Variants in KIF5C observed in about 807,000 individuals in gnomAD.
KIF5C encodes kinesin family member 5C.
In KIF5C, 18 loss-of-function variants were observed where a neutral mutation model predicts 125.2. The observed-to-expected ratio is 0.14, with a 90% CI of 0.10 to 0.21. The LOEUF (loss-of-function observed/expected upper bound fraction) is 0.21, where lower values mean the gene tolerates loss of function less well. Ranked by LOEUF, KIF5C falls within the 10% of genes least tolerant of loss-of-function variation. The pLI, the probability that KIF5C is intolerant of heterozygous loss-of-function variation, is 1.00. For synonymous variants in KIF5C, 405 were observed against 434.0 expected, an observed-to-expected ratio of 0.93 and a Z score of 0.83; for missense variants, 780 against 1,183.8, an observed-to-expected ratio of 0.66 and a Z score of 5.01.
rs755385452 is a variant in KIF5C at position 148,997,315 on chromosome 2, G to A, written c.2075G>A (p.Arg692Gln). 31 of 1,613,592 alleles carry A rather than the reference G, an allele frequency of 1.9e-5. No individual in the cohort carries two copies. The highest frequency in any genetic ancestry group is 1.1e-4 in the East Asian group (5 of 44,886). The change falls in exon 18 of 26, where the codon CGG (arginine) becomes CAG (glutamine). Residue 692 changes from arginine to glutamine, a missense_variant. Transcript: ENST00000435030. ...FQDKEKEHLT[R>Q]LQDAEEMKKA... The stretch of plus-strand genomic sequence containing the variant: ...GATAAGGAGAAGGAACATCTGACGC[G>A]GTTGCAGGATGCTGAAGAAATGAAG...
intron 3 of KIF5C, among the ~76,000 whole-genome samples, chr2:148,930,900 C>T (rs932689469): frequency 2.6e-5 from 4 of 152,188 alleles, no homozygotes; most frequent in African/African-American, 9.7e-5. Context: ...CTGCTATCCT[C>T]ACGCTCCTGT....
intron 10 of KIF5C, among the ~76,000 whole-genome samples, chr2:148,954,922 G>C (rs1277748612): frequency 6.6e-6 from 1 of 152,114 alleles, no homozygotes; most frequent in Admixed American, 6.5e-5. Context: ...CATTCCTGTT[G>C]GGGGGCCTGT....
At chr2:148,911,476 T>C (rs1681335358) in intron 1 of KIF5C, among the ~76,000 whole-genome samples, 1 of 152,058 alleles carries the variant, frequency 6.6e-6, no homozygotes, top group Non-Finnish European at 1.5e-5. Flanking sequence ...TAAGAGGCCA[T>C]GAAGCCCTTT....
chr2:149,020,727 AGAAATGAACCTGTGAGAAAGT>A (rs1309464780), intron 25 of KIF5C, among the ~76,000 whole-genome samples: 1 of 152,202 alleles, frequency 6.6e-6, no homozygotes, highest in Admixed American at 6.5e-5. Flanking sequence ...GCGTGCGTGG[AGAAATGAACCTGTGAGAAAGT>A]GAAATGGCAG....
At chr2:148,973,923 G>A (rs1241000484) in intron 12 of KIF5C, among the ~76,000 whole-genome samples, 1 of 152,188 alleles carries the variant, frequency 6.6e-6, no homozygotes, top group Non-Finnish European at 1.5e-5. Flanking sequence ...CAGAATTCAA[G>A]CATGTACTTT....
At chr2:148,935,644 T>A (rs1682276126) in intron 3 of KIF5C, among the ~76,000 whole-genome samples, 1 of 152,230 alleles carries the variant, frequency 6.6e-6, no homozygotes, top group Non-Finnish European at 1.5e-5. Context: ...ATATATTAAT[T>A]GTCAGGGATA....
intron 12 of KIF5C, among the ~76,000 whole-genome samples, chr2:148,977,085 T>C (rs1383468071): frequency 6.6e-6 from 1 of 152,196 alleles, no homozygotes; most frequent in Non-Finnish European, 1.5e-5. Flanking sequence ...AAAATCACAG[T>C]AGAGCTCATT....
intron 18 of KIF5C, chr2:148,998,192 C>T (rs1431315690): frequency 2.6e-6 from 2 of 773,550 alleles, no homozygotes; most frequent in Non-Finnish European, 4.0e-6. Context: ...CTTCTAGGGC[C>T]AACTTGGTTT....
chr2:148,919,873 T>C (rs1558893671), intron 1 of KIF5C, among the ~76,000 whole-genome samples: 1 of 152,188 alleles, frequency 6.6e-6, no homozygotes, highest in Non-Finnish European at 1.5e-5. Context: ...ACAAATCACT[T>C]TCTAAATTTT....
intron 9 of KIF5C, 118 bp from the exon 10 acceptor site, chr2:148,950,196 C>T: frequency 1.4e-6 from 2 of 1,471,646 alleles, no homozygotes; most frequent in Non-Finnish European, 9.0e-7. Flanking sequence ...AAAGACCCAG[C>T]CACAAATTCT....
intron 1 of KIF5C, among the ~76,000 whole-genome samples, chr2:148,914,601 G>T (rs954191226): frequency 6.6e-6 from 1 of 152,246 alleles, no homozygotes; most frequent in African/African-American, 2.4e-5. Context: ...TTCTCAATAC[G>T]TGAAGTGGTT....
At chr2:148,913,329 C>G (rs1681416987) in intron 1 of KIF5C, among the ~76,000 whole-genome samples, 2 of 152,286 alleles carry the variant, frequency 1.3e-5, no homozygotes, top group South Asian at 4.1e-4. Flanking sequence ...GGAAGTTATT[C>G]TCCATTCCCA....
In KIF5C at chr2:148,981,481, A is replaced by T; in HGVS notation, c.1489A>T (p.Asn497Tyr). ...VLQALEELAV[N>Y]YDQKSQEVED... ...CCAGGCCCTGGAGGAGCTGGCTGTCAATTATGACCAGAAATCACAGGAAGT... is the reference window on the plus strand; with the variant it reads ...CCAGGCCCTGGAGGAGCTGGCTGTCTATTATGACCAGAAATCACAGGAAGT... Residue 497 changes from asparagine to tyrosine, a missense_variant, in exon 14 of 26, where the codon AAT (asparagine) becomes TAT (tyrosine). Physicochemically the swap from Asn to Tyr is moderately radical, Grantham distance 143 (BLOSUM62 -2). This residue lies in a region of KIF5C where 573 missense variants were observed against 742.6 expected (regional missense o/e 0.77). Transcript: ENST00000435030. The T allele has an allele frequency of 6.2e-7, 1 of 1,608,030 alleles. No homozygotes were observed. The highest frequency in any genetic ancestry group is 8.5e-7 in the Non-Finnish European group (1 of 1,177,218).
chr2:148,916,571 C>T (rs146613472), intron 1 of KIF5C, among the ~76,000 whole-genome samples: 1 of 151,932 alleles, frequency 6.6e-6, no homozygotes, highest in African/African-American at 2.4e-5. Context: ...CATTTCACTT[C>T]ATTTAGGGGA....
Position 149,023,415 on chromosome 2 carries a change from A to G in KIF5C, c.*345A>G, listed in dbSNP as rs770955516. Reference sequence around the variant, plus strand: ...TCCCATCTGTACGCCCTAATGTGCCATTCCCTAGAGGGGAACAACCAAGTG... The same window carrying G: ...TCCCATCTGTACGCCCTAATGTGCCGTTCCCTAGAGGGGAACAACCAAGTG... On this transcript the variant is annotated 3_prime_UTR_variant, in exon 26 of 26. Coordinates refer to ENST00000435030, the MANE Select transcript of KIF5C (RefSeq NM_004522.3). The G allele has an allele frequency of 6.6e-6, 1 of 152,634 alleles. No homozygotes were observed. The highest frequency in any genetic ancestry group is 1.5e-5 in the Non-Finnish European group (1 of 68,044). The allele number at this position is 152,634 out of a possible 1,614,324, so 9.5% of individuals were successfully genotyped here.
At chr2:148,906,144 A>G (rs1681097671) in intron 1 of KIF5C, among the ~76,000 whole-genome samples, 1 of 152,098 alleles carries the variant, frequency 6.6e-6, no homozygotes, top group Non-Finnish European at 1.5e-5. Context: ...CAGAGGGAAA[A>G]AGGGGAGGCA....
intron 25 of KIF5C, among the ~76,000 whole-genome samples, chr2:149,014,060 T>G (rs890085312): frequency 1.3e-5 from 2 of 152,232 alleles, no homozygotes; most frequent in Non-Finnish European, 2.9e-5. Context: ...GTTTCACTCT[T>G]GTTGCCCAGG....
rs1457782157 is a variant in KIF5C, at chr2:148,973,445, C to A, written c.1227C>A (p.Ile409=). 2 of 1,613,562 alleles carry A rather than the reference C, an allele frequency of 1.2e-6. No individual in the cohort carries two copies. The highest frequency in any genetic ancestry group is 2.7e-5 in the African/African-American group (2 of 74,912). ...IDNIAPVVAG[I]STEEKEKYDE... ...ATATTGCTCCTGTTGTTGCTGGCAT[C>A]TCTACAGAGGAGAAAGAGAAGTACG... The change falls in exon 12 of 26, where the codon ATC becomes ATA. Residue 409 remains isoleucine, a synonymous_variant. Transcript: ENST00000435030.
Position 148,992,623 on chromosome 2 carries a change from G to A in KIF5C, c.1905+1425G>A, listed in dbSNP as rs530387214. Among the ~76,000 whole-genome samples, 6 of 152,242 alleles carry A rather than the reference G, an allele frequency of 3.9e-5. No individual in the cohort carries two copies. The South Asian group carries it at 6.2e-4, about 16-fold the overall frequency. Reference sequence around the variant, plus strand: ...AACCTAGCCATTGGGAAAGTCTAATGGTATAAAGTTAAGTGAAAATGAAAA... The same window carrying A: ...AACCTAGCCATTGGGAAAGTCTAATAGTATAAAGTTAAGTGAAAATGAAAA... On this transcript the variant is annotated intron_variant, in intron 16 of 25. Transcript: ENST00000435030.
Sources: allele counts gnomAD v4.1 joint callset (sites outside exome capture counted in the v4.1 genomes callset), GRCh38; gene constraint gnomAD v4.1.1; regional missense constraint gnomAD v4.1.1; transcripts MANE v1.5; gene names NCBI Gene and HGNC (gene_info 2026-07-23, HGNC 2026-07-21).